NUBPL: variants seen among roughly 807,000 people sequenced by gnomAD.
NUBPL encodes the protein NUBP iron-sulfur cluster assembly factor, mitochondrial.
Under a neutral mutation model 45.7 loss-of-function variants are expected in NUBPL, and 31 were observed. That is an observed-to-expected ratio of 0.68 (90% CI 0.51 to 0.92). The LOEUF (loss-of-function observed/expected upper bound fraction) is 0.92. Among genes scored for constraint, NUBPL ranks in the 40% least tolerant of loss-of-function variants. NUBPL has a pLI of 0.00. For missense variants in NUBPL, 401 were observed against 398.7 expected, an observed-to-expected ratio of 1.01 and a Z score of -0.05; for synonymous variants, 144 against 140.9, an observed-to-expected ratio of 1.02 and a Z score of -0.15.
chr14:31,779,081 C>T (rs1332075208), intron 6 of NUBPL, among the ~76,000 whole-genome samples: 2 of 152,090 alleles, frequency 1.3e-5, no homozygotes, highest in Non-Finnish European at 2.9e-5. Flanking sequence ...GTGGCTCATG[C>T]TTGTAATCCC....
chr14:31,820,714 C>T (rs1221843748), intron 7 of NUBPL, among the ~76,000 whole-genome samples: 7 of 151,558 alleles, frequency 4.6e-5, no homozygotes, highest in Non-Finnish European at 1.0e-4. Flanking sequence ...ATCCCAGCTA[C>T]TCAGGAGGCT....
chr14:31,811,821 G>C (rs1009628586), intron 7 of NUBPL, among the ~76,000 whole-genome samples: 13 of 152,092 alleles, frequency 8.5e-5, no homozygotes, highest in Admixed American at 3.9e-4. Flanking sequence ...TGTCCTTTTT[G>C]TTGATGCTGA....
chr14:31,657,466 T>C (rs2139759599), intron 4 of NUBPL, among the ~76,000 whole-genome samples: 1 of 152,336 alleles, frequency 6.6e-6, no homozygotes, highest in East Asian at 1.9e-4. Flanking sequence ...CACAATGTTA[T>C]AAAGGCCACA....
chr14:31,602,470 A>C (rs2139568953), intron 4 of NUBPL, among the ~76,000 whole-genome samples: 1 of 152,030 alleles, frequency 6.6e-6, no homozygotes, highest in East Asian at 1.9e-4. Flanking sequence ...CTACTACAGA[A>C]GTTTCTCTGA....
chr14:31,568,675 A>C (rs2033501564), intron 3 of NUBPL, among the ~76,000 whole-genome samples: 1 of 152,250 alleles, frequency 6.6e-6, no homozygotes, highest in Non-Finnish European at 1.5e-5. Flanking sequence ...GCTACTAAAA[A>C]TAGAATGCTA....
chr14:31,562,609 T>G (rs894951266), intron 2 of NUBPL, among the ~76,000 whole-genome samples: 2 of 146,672 alleles, frequency 1.4e-5, no homozygotes, highest in African/African-American at 5.1e-5. Flanking sequence ...TTTTTGTTTT[T>G]TTTTTTTTTT....
intron 4 of NUBPL, among the ~76,000 whole-genome samples, chr14:31,645,383 T>C (rs1380303853): frequency 6.6e-6 from 1 of 152,330 alleles, no homozygotes; most frequent in Non-Finnish European, 1.5e-5. Context: ...GCATTTCTAA[T>C]AGGCAGCATA....
chr14:31,610,739 C>T (rs2034735115), intron 4 of NUBPL, among the ~76,000 whole-genome samples: 1 of 151,766 alleles, frequency 6.6e-6, no homozygotes, highest in Admixed American at 6.6e-5. Flanking sequence ...TCATGACCAA[C>T]TGGGATTTAT....
chr14:31,604,798 A>G (rs1337170443), intron 4 of NUBPL, among the ~76,000 whole-genome samples: 1 of 152,196 alleles, frequency 6.6e-6, no homozygotes, highest in African/African-American at 2.4e-5. Context: ...TTCGATTTTA[A>G]AAAAGTGAAT....
At position 31,682,998 on chromosome 14, in the gene NUBPL, G is replaced by T. The variant is rs545346489; in HGVS notation, c.513+9424G>T. The stretch of plus-strand genomic sequence containing the variant: ...CCTGACAAGAGAGAGGAAGTGAGGC[G>T]GGGAGGAGGTGCTAGGTTCCTTTTT... On this transcript the variant is annotated intron_variant, in intron 6 of 10. Coordinates refer to ENST00000281081, the MANE Select transcript of NUBPL (RefSeq NM_025152.3). Among the ~76,000 whole-genome samples, 9 of 147,718 alleles carry T rather than the reference G, an allele frequency of 6.1e-5. No homozygotes were observed. In the South Asian group the frequency reaches 1.5e-3, roughly 25 times the overall value.
chr14:31,771,777 C>T, intron 6 of NUBPL: 2 of 578,594 alleles, frequency 3.5e-6, no homozygotes, highest in Non-Finnish European at 2.2e-6. Flanking sequence ...TTTCCTTGTG[C>T]TCTCCTTTAC....
intron 4 of NUBPL, among the ~76,000 whole-genome samples, chr14:31,607,423 G>A (rs767019056): frequency 1.3e-5 from 2 of 151,662 alleles, no homozygotes; most frequent in African/African-American, 4.8e-5. Context: ...ACCAGTCCCG[G>A]TATGTGACCT....
chr14:31,578,186 T>A (rs1228412830), intron 3 of NUBPL, among the ~76,000 whole-genome samples: 2 of 152,206 alleles, frequency 1.3e-5, no homozygotes, highest in Non-Finnish European at 2.9e-5. Flanking sequence ...TATCTTGTGC[T>A]TCAACATTTT....
At chr14:31,581,063 G>A (rs1337519032) in intron 3 of NUBPL, among the ~76,000 whole-genome samples, 1 of 152,218 alleles carries the variant, frequency 6.6e-6, no homozygotes, top group Non-Finnish European at 1.5e-5. Context: ...GCTAATGCCA[G>A]TGTGTAAGCT....
chr14:31,740,735 T>G (rs903423849), intron 6 of NUBPL, among the ~76,000 whole-genome samples: 1 of 152,174 alleles, frequency 6.6e-6, no homozygotes, highest in African/African-American at 2.4e-5. Flanking sequence ...GTCATCTAGA[T>G]TTTCTCCCAG....
intron 6 of NUBPL, among the ~76,000 whole-genome samples, chr14:31,711,545 G>A (rs1240198946): frequency 6.6e-6 from 1 of 152,070 alleles, no homozygotes; most frequent in Non-Finnish European, 1.5e-5. Flanking sequence ...TTGCAAAAAT[G>A]TGTCTGGAAT....
At chr14:31,679,541 T>C (rs545438110) in intron 6 of NUBPL, among the ~76,000 whole-genome samples, 4 of 152,326 alleles carry the variant, frequency 2.6e-5, no homozygotes, top group Admixed American at 2.0e-4. Flanking sequence ...CTGAATTTAT[T>C]TATATATTAG....
At chr14:31,831,646 G>A (rs2040195600) in intron 8 of NUBPL, among the ~76,000 whole-genome samples, 2 of 152,190 alleles carry the variant, frequency 1.3e-5, no homozygotes, top group Admixed American at 6.5e-5. Flanking sequence ...AGGGACTAGG[G>A]AGGGACAGAA....
intron 1 of NUBPL, 94 bp downstream of exon 1, chr14:31,561,641 C>T (rs1305468840): frequency 1.5e-5 from 13 of 856,224 alleles, no homozygotes; most frequent in Non-Finnish European, 1.8e-5. Flanking sequence ...CAAAGACTCG[C>T]CTCAGTTCCT....
Sources: gnomAD v4.1 joint callset for allele counts (sites outside exome capture counted in the v4.1 genomes callset) on GRCh38, gnomAD v4.1.1 for gene constraint, MANE v1.5 for transcripts, NCBI Gene and HGNC (gene_info 2026-07-23, HGNC 2026-07-21) for gene names.